POU6F2: variants seen among roughly 807,000 people sequenced by gnomAD.
POU6F2 encodes the protein POU domain, class 6, transcription factor 2.
Under a neutral mutation model 71.3 loss-of-function variants are expected in POU6F2, and 31 were observed. The observed-to-expected ratio is 0.43, with a 90% CI of 0.33 to 0.59. The LOEUF (loss-of-function observed/expected upper bound fraction) is 0.59, where lower values mean the gene tolerates loss of function less well. POU6F2 is among the 20% of genes least tolerant of loss of function. POU6F2 has a pLI of 0.04. For missense variants in POU6F2, 783 were observed against 856.8 expected (o/e 0.91, Z 1.07); for synonymous variants, 347 against 355.7 (o/e 0.98, Z 0.27).
intron 4 of POU6F2, among the ~76,000 whole-genome samples, chr7:39,228,987 C>A (rs764317319): frequency 3.9e-5 from 6 of 152,088 alleles, no homozygotes; most frequent in Non-Finnish European, 8.8e-5. Context: ...CCCATTTTTT[C>A]CTCACCACAA....
intron 2 of POU6F2, among the ~76,000 whole-genome samples, chr7:39,197,593 A>G (rs10254999): frequency 0.83 from 126,320 of 152,256 alleles, 52,850 homozygotes; most frequent in East Asian, 1. Context: ...TAAGGAGACT[A>G]TCCAGGGATG....
chr7:39,356,113 C>G (rs1786250745), intron 5 of POU6F2, among the ~76,000 whole-genome samples: 1 of 152,196 alleles, frequency 6.6e-6, no homozygotes, highest in Non-Finnish European at 1.5e-5. Context: ...GGTCTTTCTA[C>G]TTCTGTTTTC....
chr7:39,307,570 A>C (rs927369214), intron 4 of POU6F2, among the ~76,000 whole-genome samples: 2 of 152,146 alleles, frequency 1.3e-5, no homozygotes, highest in Admixed American at 6.5e-5. Flanking sequence ...TTTTTTGAAA[A>C]ATTATTCATT....
intron 1 of POU6F2, among the ~76,000 whole-genome samples, chr7:39,020,859 T>C (rs1789667294): frequency 1.3e-5 from 2 of 152,108 alleles, no homozygotes; most frequent in African/African-American, 4.8e-5. Context: ...TCCCATTTAA[T>C]GCATTTTGCT....
intron 4 of POU6F2, among the ~76,000 whole-genome samples, chr7:39,323,954 A>C (rs1785453305): frequency 1.3e-5 from 2 of 151,714 alleles, no homozygotes; most frequent in Admixed American, 6.6e-5. Context: ...CTAAAAATAC[A>C]AAAATTAGCC....
intron 1 of POU6F2, among the ~76,000 whole-genome samples, chr7:39,037,107 C>T (rs2128710766): frequency 6.6e-6 from 1 of 151,992 alleles, no homozygotes; most frequent in South Asian, 2.1e-4. Flanking sequence ...GACCCTGAGG[C>T]CTTTTGGGGA....
At chr7:39,086,772 C>G (rs1188048914) in intron 2 of POU6F2, among the ~76,000 whole-genome samples, 2 of 152,258 alleles carry the variant, frequency 1.3e-5, no homozygotes, top group South Asian at 4.1e-4. Flanking sequence ...ACAGATGACA[C>G]TCTGTAAGCC....
chr7:39,116,421 C>T (rs1322823078), intron 2 of POU6F2, among the ~76,000 whole-genome samples: 1 of 152,134 alleles, frequency 6.6e-6, no homozygotes, highest in Non-Finnish European at 1.5e-5. Flanking sequence ...ATCATTATCA[C>T]TCATATAATT....
intron 4 of POU6F2, among the ~76,000 whole-genome samples, chr7:39,234,236 A>G (rs946907591): frequency 6.6e-6 from 1 of 152,112 alleles, no homozygotes; most frequent in African/African-American, 2.4e-5. Context: ...AGGGAAAAAA[A>G]GGACTCTGAA....
At chr7:39,310,193 GA>G (rs1371693596) in intron 4 of POU6F2, among the ~76,000 whole-genome samples, 1 of 151,986 alleles carries the variant, frequency 6.6e-6, no homozygotes, top group East Asian at 1.9e-4. Context: ...AAAAGAGAAA[GA>G]AAAAAATCTT....
chr7:39,121,718 A>G (rs1342434020), intron 2 of POU6F2, among the ~76,000 whole-genome samples: 2 of 152,176 alleles, frequency 1.3e-5, no homozygotes, highest in African/African-American at 2.4e-5. Flanking sequence ...ATTTATTTAG[A>G]GATGGAGTCT....
intron 4 of POU6F2, among the ~76,000 whole-genome samples, chr7:39,328,155 G>C (rs553204546): frequency 6.6e-6 from 1 of 152,174 alleles, no homozygotes; most frequent in Non-Finnish European, 1.5e-5. Context: ...TCCTGACCTC[G>C]TGATCCACCT....
intron 4 of POU6F2, among the ~76,000 whole-genome samples, chr7:39,266,132 A>G (rs1283865865): frequency 6.6e-6 from 1 of 152,170 alleles, no homozygotes; most frequent in Non-Finnish European, 1.5e-5. Context: ...TTTTTCATGG[A>G]TTGGAATCCA....
At chr7:39,461,150 T>A (rs564229251) in intron 9 of POU6F2, among the ~76,000 whole-genome samples, 35 of 151,960 alleles carry the variant, frequency 2.3e-4, no homozygotes, top group South Asian at 6.2e-4. Context: ...ACACACATTT[T>A]AAAAAAAAAT....
chr7:39,247,394 T>C (rs1281099960), intron 4 of POU6F2, among the ~76,000 whole-genome samples: 1 of 151,840 alleles, frequency 6.6e-6, no homozygotes, highest in East Asian at 1.9e-4. Flanking sequence ...GAGGTTACAG[T>C]GAGCCAAGAT....
At chr7:39,438,652 T>C (rs1456905145) in intron 7 of POU6F2, among the ~76,000 whole-genome samples, 4 of 152,260 alleles carry the variant, frequency 2.6e-5, no homozygotes, top group Admixed American at 2.6e-4. Flanking sequence ...AGTGTGGTGA[T>C]TCCTCAAGGA....
At chr7:39,389,990 T>C (rs1190464195) in intron 5 of POU6F2, among the ~76,000 whole-genome samples, 1 of 152,232 alleles carries the variant, frequency 6.6e-6, no homozygotes, top group African/African-American at 2.4e-5. Flanking sequence ...TTCCTTTCCA[T>C]TGCATTCCAT....
chr7:39,287,881 AC>A (rs5883683), intron 4 of POU6F2, among the ~76,000 whole-genome samples: 70,127 of 151,852 alleles, frequency 0.46, 17,146 homozygotes, highest in Admixed American at 0.62. Flanking sequence ...TATACGCAGC[AC>A]CCAGCCCAGG....
At chr7:39,414,748 A>G (rs1243920333) in intron 6 of POU6F2, among the ~76,000 whole-genome samples, 2 of 141,904 alleles carry the variant, frequency 1.4e-5, no homozygotes, top group East Asian at 4.4e-4. Flanking sequence ...AAGAGTTATC[A>G]ATCGCTTTAG....
Sources: allele counts gnomAD v4.1 joint callset (sites outside exome capture counted in the v4.1 genomes callset), GRCh38; gene constraint gnomAD v4.1.1; transcripts MANE v1.5; gene names NCBI Gene and HGNC (gene_info 2026-07-23, HGNC 2026-07-21).